SYCE1L: variants seen among roughly 807,000 people sequenced by gnomAD.
SYCE1L encodes synaptonemal complex central element protein 1-like.
A neutral mutation model predicts 39.6 loss-of-function variants in SYCE1L; 51 were observed. That is an observed-to-expected ratio of 1.29 (90% confidence interval 1.03 to 1.63). The LOEUF is 1.63. Ranked by LOEUF, SYCE1L falls within the 40% of genes most tolerant of loss-of-function variation. The probability of loss-of-function intolerance (pLI) is 0.00; values close to 1 mark genes in which losing one functional copy is unlikely to be tolerated. For synonymous variants in SYCE1L, 147 were observed against 122.4 expected (o/e 1.20, Z -1.33); for missense variants, 426 against 304.9 (o/e 1.40, Z -2.96).
At position 77,208,522 on chromosome 16, in the gene SYCE1L, A is replaced by G. The variant is rs901345831; in HGVS notation, c.239A>G (p.His80Arg). The change falls in exon 4 of 11, where the codon CAT becomes CGT. Residue 80 changes from histidine to arginine, a missense_variant. Coordinates refer to ENST00000378644, the MANE Select transcript of SYCE1L (RefSeq NM_001129979.3). ...RETHSLWEAL[H>R]RELDSLNGEK... ...ACCCACAGTCTCTGGGAGGCCCTGC[A>G]TAGGGAATTAGACTCCTGTAAGTGG... is the stretch of plus-strand genomic sequence containing the variant. The G allele has an allele frequency of 2.6e-6, 4 of 1,551,716 alleles. No individual in the cohort carries two copies. The highest frequency in any genetic ancestry group is 1.4e-5 in the African/African-American group (1 of 73,160).
In SYCE1L at chr16:77,208,255, A is replaced by G; in HGVS notation, c.167A>G (p.Asn56Ser). The change falls in exon 3 of 11, where the codon AAT becomes AGT. Residue 56 changes from asparagine to serine, a missense_variant. Physicochemically the swap from Asn to Ser is conservative, Grantham distance 46 (BLOSUM62 1). Transcript: ENST00000378644. Reference protein sequence around the residue: ...PQIEDLISRINDLQQAKKKSS... With the variant: ...PQIEDLISRISDLQQAKKKSS... ...ATAGAGGACCTGATTAGCCGGATTA[A>G]TGATCTTCAGCAAGGTAAACTTGGG... The G allele has an allele frequency of 6.4e-7, 1 of 1,551,708 alleles. No individual in the cohort carries two copies. Among genetic ancestry groups the G allele is most frequent in the Non-Finnish European group, 8.7e-7 (1 of 1,147,004 alleles).
chr16:77,213,138 C>G lies in SYCE1L; in HGVS notation c.*207C>G, dbSNP rs1359285719. ...GCCGTACAGAGGCTGGGTAAATGCT[C>G]CTGAACTCAGAGAGAGTAAGTGGGT... On this transcript the variant is annotated 3_prime_UTR_variant, in exon 11 of 11. Transcript: ENST00000378644. The G allele has an allele frequency of 4.5e-6, 2 of 443,452 alleles. No homozygotes were observed. Among genetic ancestry groups the G allele is most frequent in the Non-Finnish European group, 7.8e-6 (2 of 256,338 alleles). 27.5% of individuals were successfully genotyped at this position (443,452 alleles called of 1,614,324 possible).
chr16:77,212,619 C>T lies in SYCE1L; in HGVS notation c.627C>T (p.Ala209=). 6.5e-7 allele frequency: 1 copy of T among 1,535,510 alleles called. No individual in the cohort carries two copies. The highest frequency in any genetic ancestry group is 8.7e-7 in the Non-Finnish European group (1 of 1,146,304). The change falls in exon 10 of 11, where the codon GCC becomes GCT. Residue 209 remains alanine, a synonymous_variant. Coordinates refer to ENST00000378644, the MANE Select transcript of SYCE1L (RefSeq NM_001129979.3). ...TATTCGGGGAGCAGGTCCGGAGCGC[C>T]CCCGAGGTCGGGGCCGGCGAGGGAG... The part of the protein sequence containing the change: ...LEIFGEQVRS[A]PEVGAGEGEA...
intron 6 of SYCE1L, among the ~76,000 whole-genome samples, chr16:77,210,259 G>C (rs893135984): frequency 1.3e-5 from 2 of 152,090 alleles, no homozygotes; most frequent in African/African-American, 4.8e-5. Context: ...GGCTGGTCTC[G>C]AACTCTCGAC....
Position 77,212,851 on chromosome 16 carries a change from C to G in SYCE1L, c.655-6C>G. The stretch of plus-strand genomic sequence containing the variant: ...CTGGTCCGCAGCCTCACCCAGCCCC[C>G]GGCAGGCCGGACCTGAGCTCCCCCG... On this transcript the variant is annotated splice_region_variant and splice_polypyrimidine_tract_variant and intron_variant, in intron 10 of 10. Transcript: ENST00000378644. The G allele has an allele frequency of 6.7e-7, 1 of 1,491,230 alleles. No individual in the cohort carries two copies. The highest frequency in any genetic ancestry group is 8.9e-7 in the Non-Finnish European group (1 of 1,121,764). 92.4% of individuals were successfully genotyped at this position (1,491,230 alleles called of 1,614,324 possible).
rs2054838276 is a variant in SYCE1L, at chr16:77,213,058, T to C, written c.*127T>C. The C allele has an allele frequency of 2.0e-6, 2 of 989,214 alleles. No individual in the cohort carries two copies. Among genetic ancestry groups the C allele is most frequent in the Non-Finnish European group, 2.7e-6 (2 of 748,002 alleles). 61.3% of individuals were successfully genotyped at this position (989,214 alleles called of 1,614,324 possible). A position where few individuals can be genotyped will look rare whatever the true frequency, so the allele number is the denominator to read the frequency against. ...CACCGTGGAGCGGGGCGGGGCGTGC[T>C]GGGATCTCGAGGCGGGGCCTCTGCC... On this transcript the variant is annotated 3_prime_UTR_variant, in exon 11 of 11. Transcript: ENST00000378644.
At position 77,212,604 on chromosome 16, in the gene SYCE1L, GC is replaced by G. The variant is rs1301890412; in HGVS notation, c.613del (p.Gln205ArgfsTer109). ...AGGCGGAGCTGGAGATATTCGGGGA[GC>G]AGGTCCGGAGCGCCCCCGAGGTCGG... is the stretch of plus-strand genomic sequence containing the variant. ...LKAELEIFGE[Q>X]VRSAPEVGAG... is the part of the protein sequence containing the mutation. On this transcript the variant is annotated frameshift_variant, in exon 10 of 11. Transcript: ENST00000378644. LOFTEE classifies it low-confidence loss of function (END_TRUNC). The G allele has an allele frequency of 2.6e-6, 4 of 1,536,114 alleles. No homozygotes were observed. The highest frequency in any genetic ancestry group is 3.5e-6 in the Non-Finnish European group (4 of 1,146,522).
In SYCE1L at chr16:77,213,113, G is replaced by T; in HGVS notation, c.*182G>T. 1.9e-6 allele frequency: 1 copy of T among 538,288 alleles called. No homozygotes were observed. Among genetic ancestry groups the T allele is most frequent in the Non-Finnish European group, 3.0e-6 (1 of 335,296 alleles). 33.3% of individuals were successfully genotyped at this position (538,288 alleles called of 1,614,324 possible). A position where few individuals can be genotyped will look rare whatever the true frequency, so the allele number is the denominator to read the frequency against. On this transcript the variant is annotated 3_prime_UTR_variant, in exon 11 of 11. Coordinates refer to ENST00000378644, the MANE Select transcript of SYCE1L (RefSeq NM_001129979.3). ...CCCTCCCACCAGTCGAGCCCCGGGC[G>T]CCGTACAGAGGCTGGGTAAATGCTC...
chr16:77,201,275 A>G (rs962488437), intron 1 of SYCE1L: 4 of 152,244 alleles, frequency 2.6e-5, no homozygotes, highest in South Asian at 4.1e-4. Context: ...AGATGCAAAT[A>G]GATCTCATTT....
At chr16:77,207,668 G>A (rs899049836) in intron 2 of SYCE1L, among the ~76,000 whole-genome samples, 2 of 152,032 alleles carry the variant, frequency 1.3e-5, no homozygotes, top group African/African-American at 4.8e-5. Flanking sequence ...GGCCCAAGAG[G>A]CCCTAGTGAT....
intron 1 of SYCE1L, 153 bp downstream of exon 1, chr16:77,199,665 C>A: frequency 1.5e-6 from 1 of 648,894 alleles, no homozygotes; most frequent in South Asian, 2.2e-5. Context: ...ATTTTTTAAC[C>A]GTTCAGCACA....
chr16:77,207,773 T>G (rs1163217529), intron 2 of SYCE1L, among the ~76,000 whole-genome samples: 8 of 152,262 alleles, frequency 5.3e-5, no homozygotes, highest in African/African-American at 1.7e-4. Flanking sequence ...TTTGGACACG[T>G]GCCTCACCCG....
chr16:77,210,923 C>T (rs747558088), intron 6 of SYCE1L, among the ~76,000 whole-genome samples: 4 of 152,194 alleles, frequency 2.6e-5, no homozygotes, highest in Admixed American at 6.5e-5. Context: ...GTGCATGGAA[C>T]AAATTTTTGC....
At chr16:77,200,274 G>GTATATATATATATATATATATATATA (rs1229854135) in intron 1 of SYCE1L, 2 of 113,582 alleles carry the variant, frequency 1.8e-5, no homozygotes, top group African/African-American at 7.0e-5. Context: ...ATATATATGT[G>GTATATATATATATATATATATATATA]TATATATATA....
At chr16:77,200,746 C>CAAAAAAAAAAAAAAAAAA (rs11344903) in intron 1 of SYCE1L, 21 of 84,732 alleles carry the variant, frequency 2.5e-4, no homozygotes, top group Middle Eastern at 6.5e-3. Context: ...ACAGAGTGAG[C>CAAAAAAAAAAAAAAAAAA]AAAAAAAAAA....
chr16:77,201,173 C>T (rs531103308), intron 1 of SYCE1L: 4 of 152,248 alleles, frequency 2.6e-5, no homozygotes, highest in Admixed American at 1.3e-4. Context: ...TAATGTGTGA[C>T]CAATGAAATA....
intron 1 of SYCE1L, among the ~76,000 whole-genome samples, chr16:77,203,688 G>A (rs1054406430): frequency 2.1e-5 from 3 of 145,926 alleles, no homozygotes; most frequent in Non-Finnish European, 3.0e-5. Flanking sequence ...TCCATCTCCC[G>A]GGTTCTAGTG....
intron 2 of SYCE1L, among the ~76,000 whole-genome samples, chr16:77,207,795 C>G (rs912247386): frequency 6.6e-6 from 1 of 152,186 alleles, no homozygotes; most frequent in Non-Finnish European, 1.5e-5. Flanking sequence ...TCCTGCCACA[C>G]TACAGGGAAT....
intron 5 of SYCE1L, 111 bp from the exon 6 acceptor site, chr16:77,209,306 C>G (rs766026731): frequency 2.9e-6 from 4 of 1,371,592 alleles, no homozygotes; most frequent in Non-Finnish European, 4.1e-6. Context: ...AGTAAACACC[C>G]AAGTCCTCAC....
Sources: allele counts gnomAD v4.1 joint callset (sites outside exome capture counted in the v4.1 genomes callset), GRCh38; gene constraint gnomAD v4.1.1; transcripts MANE v1.5; gene names NCBI Gene and HGNC (gene_info 2026-07-23, HGNC 2026-07-21).